HSD11B1: variants seen among roughly 807,000 people sequenced by gnomAD.
The protein encoded by HSD11B1 is 11-beta-hydroxysteroid dehydrogenase 1.
Under a neutral mutation model 22.1 loss-of-function variants are expected in HSD11B1, and 15 were observed. The ratio of observed to expected loss-of-function variants is 0.68; its 90% CI spans 0.45 to 1.04. The LOEUF is 1.04. Ranked by LOEUF, HSD11B1 falls within the 50% of genes least tolerant of loss-of-function variation. HSD11B1 has a pLI of 0.00. For synonymous variants in HSD11B1, 122 were observed against 125.2 expected (o/e 0.97, Z 0.17); for missense variants, 281 against 357.6 (o/e 0.79, Z 1.73).
rs758324747 is a variant in HSD11B1, at chr1:209,734,568, G to T, written c.*47G>T. On this transcript the variant is annotated 3_prime_UTR_variant, in exon 6 of 6. Coordinates refer to ENST00000367027, the MANE Select transcript of HSD11B1 (RefSeq NM_005525.4). ...TGCTGAGGGATTTTGGGACTGTTCTGTCTCATGTTTATCTGAGCTCTTATC... is the reference window on the plus strand; with the variant it reads ...TGCTGAGGGATTTTGGGACTGTTCTTTCTCATGTTTATCTGAGCTCTTATC... The T allele has an allele frequency of 7.3e-7, 1 of 1,366,622 alleles. No individual in the cohort carries two copies. Among genetic ancestry groups the T allele is most frequent in the Non-Finnish European group, 1.0e-6 (1 of 960,326 alleles). 84.7% of individuals were successfully genotyped at this position (1,366,622 alleles called of 1,614,324 possible).
chr1:209,696,276 G>C (rs1021305989), intron 1 of HSD11B1, among the ~76,000 whole-genome samples: 1 of 152,152 alleles, frequency 6.6e-6, no homozygotes, highest in Non-Finnish European at 1.5e-5. Flanking sequence ...TTGCAGTAAT[G>C]ATTTCTCAAC....
At chr1:209,702,854 G>A (rs544640394), upstream of HSD11B1, among the ~76,000 whole-genome samples, 4 of 152,268 alleles carry the variant, frequency 2.6e-5, no homozygotes, top group South Asian at 8.3e-4. Context: ...CAGTGTCCTT[G>A]TTTCTCATCA....
chr1:209,703,839 G>C (rs2102367280), upstream of HSD11B1, among the ~76,000 whole-genome samples: 1 of 152,244 alleles, frequency 6.6e-6, no homozygotes, highest in Non-Finnish European at 1.5e-5. Context: ...GAGTTGATTG[G>C]TTGGTTTTGA....
chr1:209,687,588 C>G (rs1316812790), intron 1 of HSD11B1, among the ~76,000 whole-genome samples: 3 of 152,172 alleles, frequency 2.0e-5, no homozygotes, highest in African/African-American at 7.2e-5. Flanking sequence ...GAAGCCAAGA[C>G]AAGGGAAGGG....
rs780579721 is a variant in HSD11B1, at chr1:209,706,981, A to C, written c.370A>C (p.Thr124Pro). The C allele has an allele frequency of 6.2e-7, 1 of 1,614,022 alleles. No homozygotes were observed. ...GCTCATTCTCAACCACATCACCAAC[A>C]CTTCTTTGAATCTTTTTCATGATGA... ...DMLILNHITN[T>P]SLNLFHDDIH... Residue 124 changes from threonine (T) to proline (P), a missense_variant, in exon 4 of 6, where the codon ACT becomes CCT. Transcript: ENST00000367027. This position sits in a 1 kb window ranked among gnomAD's most constrained non-coding sequence, Gnocchi z 4.0.
At chr1:209,690,794 A>C (rs1571862760) in intron 1 of HSD11B1, among the ~76,000 whole-genome samples, 1 of 152,190 alleles carries the variant, frequency 6.6e-6, no homozygotes. Flanking sequence ...AGAGATTAAA[A>C]AAATAAGACA....
At chr1:209,704,123 T>C (rs2076841444), upstream of HSD11B1, among the ~76,000 whole-genome samples, 2 of 152,208 alleles carry the variant, frequency 1.3e-5, no homozygotes, top group Non-Finnish European at 2.9e-5. Flanking sequence ...TCCATGTTTC[T>C]TGTTGCTCTA....
upstream of HSD11B1, among the ~76,000 whole-genome samples, chr1:209,704,687 C>G (rs2076845184): frequency 6.6e-6 from 1 of 152,182 alleles, no homozygotes; most frequent in Non-Finnish European, 1.5e-5. Flanking sequence ...TGGAAGTCTC[C>G]TCTTGCTCAA....
At chr1:209,726,238 G>A (rs564454340) in intron 4 of HSD11B1, among the ~76,000 whole-genome samples, 4 of 127,960 alleles carry the variant, frequency 3.1e-5, no homozygotes, top group East Asian at 2.4e-4. Flanking sequence ...CCAAGATCGC[G>A]CCACTGCACT....
chr1:209,722,950 CT>C (rs113838600), intron 4 of HSD11B1, among the ~76,000 whole-genome samples: 4 of 152,214 alleles, frequency 2.6e-5, no homozygotes, highest in African/African-American at 9.6e-5. Context: ...GCATGTAGGC[CT>C]CCTTTTGACC....
intron 4 of HSD11B1, among the ~76,000 whole-genome samples, chr1:209,713,520 C>A (rs188947416): frequency 1.2e-3 from 177 of 152,212 alleles, no homozygotes; most frequent in Non-Finnish European, 2.1e-3. Flanking sequence ...AAATTATTTG[C>A]TTCTTGCTGT....
intron 4 of HSD11B1, among the ~76,000 whole-genome samples, chr1:209,710,525 A>T (rs2076888280): frequency 6.6e-6 from 1 of 152,222 alleles, no homozygotes; most frequent in South Asian, 2.1e-4. Context: ...TGGTAAGTTA[A>T]CTTTAGAAAT....
At chr1:209,719,788 A>G (rs1422240699) in intron 4 of HSD11B1, among the ~76,000 whole-genome samples, 4 of 152,128 alleles carry the variant, frequency 2.6e-5, no homozygotes, top group African/African-American at 9.7e-5. Flanking sequence ...CATTTGCTTA[A>G]TCCACTCTAT....
chr1:209,696,134 A>C (rs1047763487), intron 1 of HSD11B1, among the ~76,000 whole-genome samples: 2 of 152,180 alleles, frequency 1.3e-5, no homozygotes, highest in Non-Finnish European at 2.9e-5. Flanking sequence ...TACTAATATA[A>C]AATGTCCAGG....
At chr1:209,692,615 G>C (rs1412077496) in intron 1 of HSD11B1, among the ~76,000 whole-genome samples, 2 of 114,596 alleles carry the variant, frequency 1.7e-5, no homozygotes, top group East Asian at 3.0e-4. Context: ...GGCGGGGGGG[G>C]GGGTGGGGGC....
At chr1:209,716,269 C>T (rs1340567494) in intron 4 of HSD11B1, among the ~76,000 whole-genome samples, 1 of 151,428 alleles carries the variant, frequency 6.6e-6, no homozygotes, top group East Asian at 1.9e-4. Flanking sequence ...CAAAAATCAA[C>T]AGTGTCCCCA....
At chr1:209,732,290 C>G (rs1397251392) in intron 4 of HSD11B1, 146 bp from the exon 5 acceptor site, 1 of 859,406 alleles carries the variant, frequency 1.2e-6, no homozygotes, top group South Asian at 1.4e-5. Context: ...AAATTCAACA[C>G]AGCAGTATAA....
intron 5 of HSD11B1, among the ~76,000 whole-genome samples, chr1:209,734,035 C>T (rs1405168187): frequency 1.3e-5 from 2 of 152,152 alleles, no homozygotes; most frequent in African/African-American, 4.8e-5. Context: ...AAGAGAGAAG[C>T]ATGATTCAGA....
At chr1:209,728,626 T>C (rs950860201) in intron 4 of HSD11B1, among the ~76,000 whole-genome samples, 11 of 152,222 alleles carry the variant, frequency 7.2e-5, no homozygotes, top group South Asian at 4.1e-4. Context: ...AGGGCAGGCT[T>C]CACAGTTGAC....
Sources: allele counts gnomAD v4.1 joint callset (sites outside exome capture counted in the v4.1 genomes callset), GRCh38; gene constraint gnomAD v4.1.1; non-coding constraint Gnocchi (gnomAD v3.1); transcripts MANE v1.5; gene names NCBI Gene and HGNC (gene_info 2026-07-23, HGNC 2026-07-21).